LRRC49: variants seen among roughly 807,000 people sequenced by gnomAD.
LRRC49 encodes the protein leucine-rich repeat-containing protein 49.
Under a neutral mutation model 83.3 loss-of-function variants are expected in LRRC49, and 50 were observed. The observed-to-expected ratio is 0.60, with a 90% confidence interval of 0.48 to 0.76. The LOEUF (loss-of-function observed/expected upper bound fraction) is 0.76. LRRC49 is among the 30% of genes least tolerant of loss of function. The pLI is 0.00. For missense variants in LRRC49, 704 were observed against 809.1 expected, an observed-to-expected ratio of 0.87 and a Z score of 1.58; for synonymous variants, 286 against 283.3, an observed-to-expected ratio of 1.01 and a Z score of -0.10.
chr15:70,984,444 C>G (rs1352893835), intron 11 of LRRC49, 187 bp downstream of exon 11: 1 of 478,320 alleles, frequency 2.1e-6, no homozygotes, highest in Non-Finnish European at 3.6e-6. Context: ...TTAAAACATG[C>G]TTCATAGGGC....
At chr15:71,048,986 G>A (rs1250340038) in intron 15 of LRRC49, 2 of 366,546 alleles carry the variant, frequency 5.5e-6, no homozygotes, top group Non-Finnish European at 1.1e-5. Context: ...CATACTTAAA[G>A]TATTACATAG....
chr15:70,879,097 A>G (rs1162383347), intron 2 of LRRC49, among the ~76,000 whole-genome samples: 1 of 152,204 alleles, frequency 6.6e-6, no homozygotes, highest in African/African-American at 2.4e-5. Flanking sequence ...AAGGATTATA[A>G]TTACAAATTC....
intron 5 of LRRC49, among the ~76,000 whole-genome samples, chr15:70,910,675 A>G (rs1201832295): frequency 1.3e-5 from 2 of 152,176 alleles, no homozygotes; most frequent in Non-Finnish European, 2.9e-5. Context: ...TCTCTGTCAT[A>G]AAGGATCCTA....
At chr15:70,924,786 C>CA (rs796293809) in intron 7 of LRRC49, among the ~76,000 whole-genome samples, 1 of 151,844 alleles carries the variant, frequency 6.6e-6, no homozygotes, top group Non-Finnish European at 1.5e-5. Context: ...TTTTGTTTAT[C>CA]AAAAAATGAG....
intron 15 of LRRC49, among the ~76,000 whole-genome samples, chr15:71,049,174 AGCT>A (rs2039945740): frequency 6.6e-6 from 1 of 152,154 alleles, no homozygotes; most frequent in South Asian, 2.1e-4. Context: ...TTTCTAGCAG[AGCT>A]GTCCAACAGA....
chr15:70,955,328 C>T (rs2036361560), intron 8 of LRRC49, among the ~76,000 whole-genome samples: 1 of 152,108 alleles, frequency 6.6e-6, no homozygotes, highest in Admixed American at 6.5e-5. Context: ...GATGACAGCT[C>T]CATGGATGTT....
intron 1 of LRRC49, among the ~76,000 whole-genome samples, chr15:70,856,163 A>C (rs2032649777): frequency 6.6e-6 from 1 of 152,180 alleles, no homozygotes; most frequent in South Asian, 2.1e-4. Context: ...TTTTCTTAAA[A>C]TATAGATTCT....
At chr15:70,874,352 A>G (rs924113684) in intron 2 of LRRC49, among the ~76,000 whole-genome samples, 10 of 152,202 alleles carry the variant, frequency 6.6e-5, no homozygotes, top group African/African-American at 1.9e-4. Flanking sequence ...GTGGGCAGCA[A>G]TGATAGAATA....
intron 8 of LRRC49, among the ~76,000 whole-genome samples, chr15:70,958,560 T>TA (rs2036483506): frequency 6.6e-6 from 1 of 152,184 alleles, no homozygotes; most frequent in Admixed American, 6.5e-5. Context: ...CCATCACAAA[T>TA]ACCAGAAACT....
At chr15:70,911,990 T>G (rs187018442) in intron 6 of LRRC49, among the ~76,000 whole-genome samples, 131 of 152,270 alleles carry the variant, frequency 8.6e-4, no homozygotes, top group African/African-American at 2.9e-3. Context: ...CATTCCTTTT[T>G]GGGTTTTTCA....
Position 70,892,941 on chromosome 15 carries a change from A to G in LRRC49, c.47A>G (p.Asn16Ser). The G allele has an allele frequency of 6.2e-7, 1 of 1,614,140 alleles. No individual in the cohort carries two copies. The highest frequency in any genetic ancestry group is 8.5e-7 in the Non-Finnish European group (1 of 1,180,024). The change falls in exon 1 of 16, where the codon AAC becomes AGC. Residue 16 changes from asparagine (N) to serine (S), a missense_variant and splice_region_variant. This residue lies in a region of LRRC49 where 261 missense variants were observed against 330.5 expected (regional missense o/e 0.79). Coordinates refer to ENST00000260382, the MANE Select transcript of LRRC49 (RefSeq NM_017691.5). The stretch of plus-strand genomic sequence containing the variant: ...TCTGTTTCTGGCCGGGCTGCGAACA[A>G]CGTAAGTTGGGCCTTCTACTTTCTC... ...YRSVSGRAAN[N>S]VNCGLHLVIQ...
intron 2 of LRRC49, among the ~76,000 whole-genome samples, chr15:70,874,254 C>T (rs1015985113): frequency 6.6e-6 from 1 of 152,138 alleles, no homozygotes; most frequent in African/African-American, 2.4e-5. Flanking sequence ...TCTGCAAACC[C>T]ATCCCTGCTG....
intron 11 of LRRC49, among the ~76,000 whole-genome samples, chr15:70,984,789 C>A (rs2037539834): frequency 8.2e-6 from 1 of 122,174 alleles, no homozygotes; most frequent in Admixed American, 9.8e-5. Context: ...CTCCCCCCAC[C>A]CCACAACAGT....
intron 9 of LRRC49, among the ~76,000 whole-genome samples, chr15:70,972,540 G>T (rs1039017637): frequency 4.6e-5 from 7 of 152,304 alleles, no homozygotes; most frequent in African/African-American, 1.4e-4. Flanking sequence ...TGTCTTGCTA[G>T]GTTGGGGAAG....
intron 11 of LRRC49, among the ~76,000 whole-genome samples, chr15:70,991,928 A>C (rs940626244): frequency 3.9e-5 from 6 of 152,248 alleles, no homozygotes; most frequent in Non-Finnish European, 8.8e-5. Flanking sequence ...AGAGTCTAAC[A>C]TATATTTAGG....
Position 71,023,433 on chromosome 15 carries a change from T to C in LRRC49, c.1703+10520T>C, listed in dbSNP as rs115269564. On this transcript the variant is annotated intron_variant, in intron 14 of 15. Transcript: ENST00000260382. ...AATAGGGGCCAAGATGGCCAACTAG[T>C]AGTAGCTGTGGTTGGAGACTCCCAC... Among the ~76,000 whole-genome samples, 277 of 152,274 alleles carry C rather than the reference T, an allele frequency of 1.8e-3. 2 individuals carry two copies. Among genetic ancestry groups the C allele is most frequent in the African/African-American group, 6.5e-3 (272 of 41,554 alleles).
chr15:70,922,059 C>G (rs1320196573), intron 7 of LRRC49, among the ~76,000 whole-genome samples: 3 of 152,008 alleles, frequency 2.0e-5, no homozygotes, highest in Non-Finnish European at 2.9e-5. Flanking sequence ...AAAAGGGAAC[C>G]CTTGTACATT....
Position 71,007,534 on chromosome 15 carries a change from A to G in LRRC49, c.1170-845A>G, listed in dbSNP as rs965686320. Among the ~76,000 whole-genome samples, 16 of 151,926 alleles carry G rather than the reference A, an allele frequency of 1.1e-4. No homozygotes were observed. In the East Asian group the frequency reaches 2.9e-3, roughly 28 times the overall value. On this transcript the variant is annotated intron_variant, in intron 11 of 15. Transcript: ENST00000260382. ...AGAAACAAAAACCATGCTTTGTTTAAGTTTTGAGGTTGGGTAAAACAAATA... is the reference window on the plus strand; with the variant it reads ...AGAAACAAAAACCATGCTTTGTTTAGGTTTTGAGGTTGGGTAAAACAAATA...
chr15:70,906,098 C>CT (rs976292654), intron 5 of LRRC49, among the ~76,000 whole-genome samples: 2,152 of 130,810 alleles, frequency 0.016, 51 homozygotes, highest in African/African-American at 0.044. Flanking sequence ...ATTTTTTTTT[C>CT]TTTTTTTTTT....
Sources: gnomAD v4.1 joint callset for allele counts (sites outside exome capture counted in the v4.1 genomes callset) on GRCh38, gnomAD v4.1.1 for gene constraint, gnomAD v4.1.1 regional missense constraint, MANE v1.5 for transcripts, NCBI Gene and HGNC (gene_info 2026-07-23, HGNC 2026-07-21) for gene names.